LGMN: variants seen among roughly 807,000 people sequenced by gnomAD.
LGMN encodes asparaginyl endopeptidase.
A neutral mutation model predicts 56.8 loss-of-function variants in LGMN; 36 were observed. The observed-to-expected ratio is 0.63, with a 90% CI of 0.49 to 0.84. LGMN has a LOEUF of 0.84. Among genes scored for constraint, LGMN ranks in the 40% least tolerant of loss-of-function variants. The probability of loss-of-function intolerance (pLI) is 0.00; values close to 1 mark genes in which losing one functional copy is unlikely to be tolerated. For missense variants in LGMN, 446 were observed against 556.1 expected (o/e 0.80, Z 1.99); for synonymous variants, 199 against 210.1 (o/e 0.95, Z 0.46).
chr14:92,740,408 A>T (rs1456377270), intron 1 of LGMN, among the ~76,000 whole-genome samples: 1 of 152,096 alleles, frequency 6.6e-6, no homozygotes, highest in Non-Finnish European at 1.5e-5. Context: ...AAGGATCCCC[A>T]CTCCCTTCAG....
Position 92,704,338 on chromosome 14 carries a change from A to T in LGMN, c.1283T>A (p.Val428Glu). 1.2e-6 allele frequency: 2 copies of T among 1,612,934 alleles called. No individual in the cohort carries two copies. The highest frequency in any genetic ancestry group is 1.7e-6 in the Non-Finnish European group (2 of 1,179,036). Residue 428 changes from valine (V) to glutamate (E), a missense_variant, in exon 14 of 14, where the codon GTG (valine) becomes GAG (glutamate). Coordinates refer to ENST00000334869, the MANE Select transcript of LGMN (RefSeq NM_005606.7). ...AGCTCTTCAGTAGTGACCAAGGCAC[A>T]CGTGGTCCATGGACAATTTTATCCT... ...LHRIKLSMDH[V>E]CLGHY
In LGMN at chr14:92,715,459, G is replaced by A. The variant is rs559835445; in HGVS notation, c.404+677C>T. ...TTCAACTCCTGATCTCAAGTGATCC[G>A]CCCACCTTGGCCTCCCAAAGTGCTG... On this transcript the variant is annotated intron_variant, in intron 5 of 13. Transcript: ENST00000334869. 2.0e-5 allele frequency among the ~76,000 whole-genome samples: 3 copies of A among 152,208 alleles called. No homozygotes were observed. The East Asian group carries it at 5.8e-4, about 29-fold the overall frequency.
At chr14:92,715,580 T>C (rs1890032428) in intron 5 of LGMN, among the ~76,000 whole-genome samples, 2 of 152,186 alleles carry the variant, frequency 1.3e-5, no homozygotes, top group African/African-American at 2.4e-5. Context: ...AGAAATATGC[T>C]ACTAGAATCT....
chr14:92,741,950 C>G (rs1279602079), intron 1 of LGMN: 1 of 152,182 alleles, frequency 6.6e-6, no homozygotes, highest in Non-Finnish European at 1.5e-5. Flanking sequence ...GTCTCCTTGA[C>G]CAAACCTTAG....
At chr14:92,707,257 A>G (rs1213265742) in intron 11 of LGMN, among the ~76,000 whole-genome samples, 1 of 151,380 alleles carries the variant, frequency 6.6e-6, no homozygotes, top group Non-Finnish European at 1.5e-5. Flanking sequence ...ACTAAAAAAA[A>G]AAAAAACCTT....
intron 1 of LGMN, among the ~76,000 whole-genome samples, chr14:92,734,889 C>T (rs1166157998): frequency 6.6e-6 from 1 of 152,188 alleles, no homozygotes; most frequent in Non-Finnish European, 1.5e-5. Flanking sequence ...TGACTCGCCA[C>T]TCAGCCAGAG....
chr14:92,743,090 GGGAGACCCT>G (rs1595568311), intron 1 of LGMN: 1 of 152,042 alleles, frequency 6.6e-6, no homozygotes, highest in East Asian at 1.9e-4. Context: ...ACTAACTCAG[GGGAGACCCT>G]TCCTCTCTCT....
Position 92,719,280 on chromosome 14 carries a change from C to T in LGMN, c.139-436G>A, listed in dbSNP as rs1288484852. ...CCACCGCCACCGCCGCCGCCGCCAC[C>T]GCCGCCGCCGCCGCCGCCGCCACCG... is the stretch of plus-strand genomic sequence containing the variant. On this transcript the variant is annotated intron_variant, in intron 2 of 13. Transcript: ENST00000334869. Among the ~76,000 whole-genome samples the T allele has an allele frequency of 2.7e-4, 15 of 55,386 alleles. No homozygotes were observed. In the South Asian group the frequency reaches 5.4e-3, roughly 20 times the overall value. 36.3% of individuals were successfully genotyped at this position (55,386 alleles called of 152,430 possible).
At chr14:92,719,391 C>T (rs368981508) in intron 2 of LGMN, among the ~76,000 whole-genome samples, 6 of 150,756 alleles carry the variant, frequency 4.0e-5, no homozygotes, top group African/African-American at 7.3e-5. Flanking sequence ...CCACCAACAC[C>T]GCCACCAACA....
chr14:92,709,941 A>T, intron 10 of LGMN, 69 bp from the exon 11 acceptor site: 1 of 1,306,108 alleles, frequency 7.7e-7, no homozygotes, highest in Non-Finnish European at 1.1e-6. Context: ...CCAGAGAGAG[A>T]GGGAGAGAGA....
At chr14:92,740,614 C>T (rs548847081) in intron 1 of LGMN, among the ~76,000 whole-genome samples, 100 of 152,330 alleles carry the variant, frequency 6.6e-4, no homozygotes, top group African/African-American at 2.0e-3. Flanking sequence ...CCCCAGGGCC[C>T]GAGCACAGAG....
At chr14:92,711,603 C>CT in intron 10 of LGMN, 56 bp downstream of exon 10, 1 of 1,438,178 alleles carries the variant, frequency 7.0e-7, no homozygotes, top group Non-Finnish European at 9.8e-7. Context: ...ATATTCCAGG[C>CT]AAGTCCACCT....
intron 11 of LGMN, 101 bp from the exon 12 acceptor site, chr14:92,706,754 G>T: frequency 9.3e-7 from 1 of 1,073,894 alleles, no homozygotes; most frequent in East Asian, 2.8e-5. Flanking sequence ...TCTCCACACA[G>T]CCCTCAGCCT....
At chr14:92,704,610 C>T (rs371287208) in intron 13 of LGMN, 30 bp downstream of exon 13, 2 of 1,577,678 alleles carry the variant, frequency 1.3e-6, no homozygotes, top group Non-Finnish European at 1.7e-6. Flanking sequence ...ATGACATCGA[C>T]CTTTCAAGCG....
At chr14:92,736,522 G>A (rs371084896) in intron 1 of LGMN, among the ~76,000 whole-genome samples, 13 of 152,280 alleles carry the variant, frequency 8.5e-5, no homozygotes, top group African/African-American at 2.4e-4. Flanking sequence ...CTTGAACCCG[G>A]GAGGCAGAAG....
chr14:92,711,896 T>C lies in LGMN; in HGVS notation c.670A>G (p.Lys224Glu), dbSNP rs1245426404. ...ESSYACYYDEKRSTYLGDWYS... is the reference protein window; with the variant it reads ...ESSYACYYDEERSTYLGDWYS... ...CAGTCCCCCAGGTACGTGGACCTCTTCTCATCATAGTAACAGGCGTAGGAC... is the reference window on the plus strand; with the variant it reads ...CAGTCCCCCAGGTACGTGGACCTCTCCTCATCATAGTAACAGGCGTAGGAC... Residue 224 changes from lysine (K) to glutamate (E), a missense_variant, in exon 9 of 14, where the codon AAG becomes GAG. Lys to Glu is a moderately conservative substitution (Grantham distance 56, BLOSUM62 1). Transcript: ENST00000334869. 3 of 1,614,048 alleles carry C rather than the reference T, an allele frequency of 1.9e-6. No individual in the cohort carries two copies. The highest frequency in any genetic ancestry group is 2.7e-5 in the African/African-American group (2 of 74,932).
intron 2 of LGMN, among the ~76,000 whole-genome samples, chr14:92,719,207 CCACCGCCACCAA>C: frequency 7.3e-6 from 1 of 137,810 alleles, no homozygotes; most frequent in South Asian, 2.3e-4. Flanking sequence ...ACCAACACCA[CCACCGCCACCAA>C]CACCACCACC....
At chr14:92,710,094 C>T (rs763649850) in intron 10 of LGMN, among the ~76,000 whole-genome samples, 13 of 152,160 alleles carry the variant, frequency 8.5e-5, no homozygotes, top group South Asian at 2.1e-4. Flanking sequence ...CCCAGCAGTA[C>T]GCAGGCAATG....
intron 2 of LGMN, among the ~76,000 whole-genome samples, chr14:92,721,759 A>G (rs1890490705): frequency 6.6e-6 from 1 of 152,234 alleles, no homozygotes; most frequent in African/African-American, 2.4e-5. Context: ...AGCTGGAAAA[A>G]TAAATTGTCA....
Sources: allele counts gnomAD v4.1 joint callset (sites outside exome capture counted in the v4.1 genomes callset), GRCh38; gene constraint gnomAD v4.1.1; transcripts MANE v1.5; gene names NCBI Gene and HGNC (gene_info 2026-07-23, HGNC 2026-07-21).